UNC13C: variants seen among roughly 807,000 people sequenced by gnomAD.
UNC13C encodes the protein protein unc-13 homolog C.
Under a neutral mutation model 245.4 loss-of-function variants are expected in UNC13C, and 174 were observed. The ratio of observed to expected loss-of-function variants is 0.71; its 90% CI spans 0.63 to 0.80. The LOEUF is 0.80. UNC13C is among the 30% of genes least tolerant of loss of function. The pLI, the probability that UNC13C is intolerant of heterozygous loss-of-function variation, is 0.00. For missense variants in UNC13C, 2,829 were observed against 2,602.9 expected (o/e 1.09, Z -1.89); for synonymous variants, 992 against 895.1 (o/e 1.11, Z -1.93).
intron 14 of UNC13C, among the ~76,000 whole-genome samples, chr15:54,330,281 T>C (rs1408262856): frequency 6.6e-6 from 1 of 152,086 alleles, no homozygotes; most frequent in Non-Finnish European, 1.5e-5. Context: ...ATTGGTAGTA[T>C]GGTAGCTGGG....
At position 54,434,260 on chromosome 15, in the gene UNC13C, A is replaced by C. The variant is rs576099378; in HGVS notation, c.4933+19193A>C. 3.0e-4 allele frequency among the ~76,000 whole-genome samples: 46 copies of C among 152,224 alleles called. 1 individual carries two copies. Among genetic ancestry groups the C allele is most frequent in the African/African-American group, 9.4e-4 (39 of 41,558 alleles). Reference sequence around the variant, plus strand: ...TAAATTTCATATGGAACAACAACAAAAAAAAGCCCATATAGCCAAGACAAT... The same window carrying C: ...TAAATTTCATATGGAACAACAACAACAAAAAGCCCATATAGCCAAGACAAT... On this transcript the variant is annotated intron_variant, in intron 19 of 32. Transcript: ENST00000260323.
intron 26 of UNC13C, among the ~76,000 whole-genome samples, chr15:54,545,501 G>A (rs1330175929): frequency 6.6e-6 from 1 of 152,158 alleles, no homozygotes; most frequent in Non-Finnish European, 1.5e-5. Flanking sequence ...CATCATCAGA[G>A]TGAACAGGCA....
At chr15:54,049,280 C>A (rs1284976309) in intron 2 of UNC13C, 1 of 524,090 alleles carries the variant, frequency 1.9e-6, no homozygotes, top group Non-Finnish European at 3.8e-6. Flanking sequence ...GTTCTCACTG[C>A]AGGAAATTTT....
chr15:54,373,572 G>C (rs1220579618), intron 17 of UNC13C, among the ~76,000 whole-genome samples: 1 of 152,162 alleles, frequency 6.6e-6, no homozygotes, highest in Admixed American at 6.5e-5. Context: ...GCCACAAGCA[G>C]CTTCCACTGC....
chr15:54,404,591 A>G (rs1179575917), intron 18 of UNC13C, among the ~76,000 whole-genome samples: 1 of 152,110 alleles, frequency 6.6e-6, no homozygotes, highest in Non-Finnish European at 1.5e-5. Flanking sequence ...TAGAGAATTT[A>G]ATTTGTGCAC....
At chr15:54,083,607 A>G (rs1230552525) in intron 2 of UNC13C, among the ~76,000 whole-genome samples, 1 of 152,142 alleles carries the variant, frequency 6.6e-6, no homozygotes, top group Non-Finnish European at 1.5e-5. Context: ...CCCTCTTCCC[A>G]GCTGCTGGGT....
intron 19 of UNC13C, among the ~76,000 whole-genome samples, chr15:54,480,397 C>T (rs1443447482): frequency 6.8e-6 from 1 of 146,354 alleles, no homozygotes; most frequent in East Asian, 2.0e-4. Flanking sequence ...ACATAGGCTT[C>T]GTTCATTCTT....
At chr15:54,243,588 C>T (rs1196486393) in intron 7 of UNC13C, among the ~76,000 whole-genome samples, 1 of 118,364 alleles carries the variant, frequency 8.4e-6, no homozygotes, top group Non-Finnish European at 1.7e-5. Flanking sequence ...AATTTAATTC[C>T]CACCAACAGT....
chr15:54,367,002 C>T (rs2039380077), intron 17 of UNC13C, among the ~76,000 whole-genome samples: 2 of 152,046 alleles, frequency 1.3e-5, no homozygotes, highest in South Asian at 4.2e-4. Flanking sequence ...TGTCATTGAA[C>T]CTCAGGGGAT....
chr15:53,943,847 T>C, the UNC13C span, among the ~76,000 whole-genome samples: 1 of 152,170 alleles, frequency 6.6e-6, no homozygotes. Flanking sequence ...TTGGCCCTTT[T>C]ATGACATTTT....
chr15:54,310,120 G>A (rs1442894017), intron 13 of UNC13C, among the ~76,000 whole-genome samples: 3 of 151,524 alleles, frequency 2.0e-5, no homozygotes, highest in Non-Finnish European at 4.4e-5. Flanking sequence ...GTACTCTCTG[G>A]TTTTTGAAGA....
chr15:54,463,242 T>G, intron 19 of UNC13C, among the ~76,000 whole-genome samples: 1 of 64,096 alleles, frequency 1.6e-5, no homozygotes, highest in African/African-American at 6.5e-5. Context: ...CTCAGTAAAA[T>G]GGGCCAATCA....
chr15:54,229,394 GAGA>G (rs2035485926), intron 4 of UNC13C, among the ~76,000 whole-genome samples: 1 of 152,132 alleles, frequency 6.6e-6, no homozygotes, highest in Non-Finnish European at 1.5e-5. Flanking sequence ...TGTTCCTGTG[GAGA>G]AGATGATTGC....
chr15:53,861,713 C>G, the UNC13C span, among the ~76,000 whole-genome samples: 70,277 of 152,012 alleles, frequency 0.46, 16,551 homozygotes, highest in Middle Eastern at 0.59. Context: ...AGATCCAGCA[C>G]ATTGCTCAGT....
At chr15:54,604,967 T>C (rs993015376) in intron 30 of UNC13C, among the ~76,000 whole-genome samples, 1 of 152,094 alleles carries the variant, frequency 6.6e-6, no homozygotes, top group Non-Finnish European at 1.5e-5. Context: ...AAAGTACAAC[T>C]GGGGGAAAAA....
At chr15:54,021,910 A>C (rs2141004893) in intron 2 of UNC13C, among the ~76,000 whole-genome samples, 1 of 152,346 alleles carries the variant, frequency 6.6e-6, no homozygotes, top group African/African-American at 2.4e-5. Context: ...TTAAATTGTA[A>C]ATGTTTATGT....
chr15:54,272,609 T>C (rs1264462349), intron 10 of UNC13C, among the ~76,000 whole-genome samples: 1 of 152,162 alleles, frequency 6.6e-6, no homozygotes, highest in Non-Finnish European at 1.5e-5. Context: ...GATTAGAATT[T>C]ATTTATTTAT....
At chr15:53,936,010 T>A in the UNC13C span, among the ~76,000 whole-genome samples, 1 of 152,174 alleles carries the variant, frequency 6.6e-6, no homozygotes, top group Non-Finnish European at 1.5e-5. Context: ...GGGGTCTGAA[T>A]CCAGGGAATA....
intron 4 of UNC13C, among the ~76,000 whole-genome samples, chr15:54,227,912 C>G (rs955671315): frequency 5.3e-5 from 8 of 152,200 alleles, no homozygotes; most frequent in African/African-American, 1.9e-4. Flanking sequence ...GTAAGGCCAG[C>G]CAGGCTTGTG....
Sources: gnomAD v4.1 joint callset for allele counts (sites outside exome capture counted in the v4.1 genomes callset) on GRCh38, gnomAD v4.1.1 for gene constraint, MANE v1.5 for transcripts, NCBI Gene and HGNC (gene_info 2026-07-23, HGNC 2026-07-21) for gene names.